The following SLC9A6 variants were observed in gnomAD, a reference collection of about 807,000 sequenced individuals.
The protein encoded by SLC9A6 is solute carrier family 9 member A6.
SLC9A6 carries 6 observed loss-of-function variants against 45.3 expected under a neutral mutation model. The ratio of observed to expected loss-of-function variants is 0.13; its 90% confidence interval spans 0.07 to 0.26. The LOEUF (loss-of-function observed/expected upper bound fraction) is 0.26. SLC9A6 is among the 10% of genes least tolerant of loss of function. The pLI, the probability that SLC9A6 is intolerant of heterozygous loss-of-function variation, is 1.00. For synonymous variants in SLC9A6, 191 were observed against 187.7 expected, an observed-to-expected ratio of 1.02 and a Z score of -0.14; for missense variants, 278 against 503.7, an observed-to-expected ratio of 0.55 and a Z score of 4.29.
upstream of SLC9A6, among the ~76,000 whole-genome samples, chrX:135,981,553 G>A (rs1226989762): frequency 9.0e-6 from 1 of 111,657 alleles, no homozygotes; most frequent in Non-Finnish European, 1.9e-5. Flanking sequence ...AAGTTAGTTA[G>A]GTGAGGAAAA....
At chrX:135,996,907 C>T (rs1299881326) in intron 3 of SLC9A6, among the ~76,000 whole-genome samples, 1 of 109,782 alleles carries the variant, frequency 9.1e-6, no homozygotes, top group Non-Finnish European at 1.9e-5. Flanking sequence ...GCTGGGACTA[C>T]AGGCGCCCGC....
intron 2 of SLC9A6, among the ~76,000 whole-genome samples, chrX:135,988,303 A>C (rs967937099): frequency 4.5e-5 from 5 of 111,793 alleles, no homozygotes; most frequent in African/African-American, 1.6e-4. Flanking sequence ...GGCGTTCTTT[A>C]GCCTGTCCTA....
At chrX:136,039,994 A>G (rs1273404562) in intron 16 of SLC9A6, 82 bp from the exon 17 acceptor site, 7 of 759,440 alleles carry the variant, frequency 9.2e-6, no homozygotes, top group Non-Finnish European at 1.4e-5. Flanking sequence ...TGGTTACTAT[A>G]CTATGATGGT....
rs1556616822 is a variant in SLC9A6, at chrX:135,998,117, G to C, written c.379G>C (p.Asp127His). The change falls in exon 4 of 18, where the codon GAT becomes CAT. Residue 127 changes from aspartate to histidine, a missense_variant. Physicochemically the swap from Asp to His is moderately conservative, Grantham distance 81 (BLOSUM62 -1). This residue lies in a region of SLC9A6 where 118 missense variants were observed against 209.9 expected (regional missense o/e 0.56). Coordinates refer to ENST00000630721, the MANE Select transcript of SLC9A6 (RefSeq NM_001379110.1). ...CTCTTTATTTTAACAGGTTACTTTT[G>C]ATCCAGAAGTATTTTTCAACATATT... ...DNEMLRKVTF[D>H]PEVFFNILLP... The C allele has an allele frequency of 9.4e-7, 1 of 1,066,220 alleles. No individual in the cohort carries two copies. 87.9% of individuals were successfully genotyped at this position (1,066,220 alleles called of 1,213,427 possible). A position where few individuals can be genotyped will look rare whatever the true frequency, so the allele number is the denominator to read the frequency against.
chrX:136,036,553 A>C (rs2071415966), intron 16 of SLC9A6, among the ~76,000 whole-genome samples: 1 of 112,215 alleles, frequency 8.9e-6, no homozygotes, highest in Non-Finnish European at 1.9e-5. Context: ...CCACTCTCTC[A>C]CCCAGGCTGG....
At chrX:136,000,802 C>T (rs889552262) in intron 6 of SLC9A6, among the ~76,000 whole-genome samples, 5 of 110,967 alleles carry the variant, frequency 4.5e-5, no homozygotes, top group African/African-American at 1.6e-4. Flanking sequence ...ATTCCAGCTG[C>T]AATGCTTTGT....
intron 7 of SLC9A6, among the ~76,000 whole-genome samples, chrX:136,008,754 A>C (rs1339919421): frequency 2.7e-5 from 3 of 111,818 alleles, no homozygotes; most frequent in African/African-American, 9.8e-5. Context: ...TCAGGGTTTA[A>C]AAAAAAGTAT....
At chrX:136,040,589 G>A (rs782245140) in intron 17 of SLC9A6, among the ~76,000 whole-genome samples, 1 of 111,704 alleles carries the variant, frequency 9.0e-6, no homozygotes, top group African/African-American at 3.3e-5. Context: ...GCAACAGATG[G>A]TCTATTATTT....
chrX:136,032,927 G>C (rs1163939217), intron 15 of SLC9A6: 1 of 120,751 alleles, frequency 8.3e-6, no homozygotes, highest in African/African-American at 3.2e-5. Context: ...GCAGTGGCAC[G>C]ATCTCGGCTC....
intron 5 of SLC9A6, 26 bp from the exon 6 acceptor site, chrX:135,998,830 A>G: frequency 9.5e-7 from 1 of 1,054,161 alleles, no homozygotes; most frequent in South Asian, 1.9e-5. Flanking sequence ...ATTTTTTTCT[A>G]AAGTAGGACT....
chrX:135,985,468 C>T lies in SLC9A6; in HGVS notation c.-66C>T, dbSNP rs2089315684. ...GGGGAGTGGTCCGACCGCGGGCGGC[C>T]GCCGGTGAGGTAGGGGCGGGAGGCG... On this transcript the variant is annotated 5_prime_UTR_variant, in exon 1 of 18. Coordinates refer to ENST00000630721, the MANE Select transcript of SLC9A6 (RefSeq NM_001379110.1). 2 of 1,015,993 alleles carry T rather than the reference C, an allele frequency of 2.0e-6. No individual in the cohort carries two copies. The highest frequency in any genetic ancestry group is 2.1e-5 in the African/African-American group (1 of 48,780). The allele number at this position is 1,015,993 out of a possible 1,213,427, so 83.7% of individuals were successfully genotyped here.
At chrX:136,043,619 T>G (rs1556622997) in intron 17 of SLC9A6, among the ~76,000 whole-genome samples, 1 of 111,986 alleles carries the variant, frequency 8.9e-6, no homozygotes, top group Non-Finnish European at 1.9e-5. Flanking sequence ...TTAAAGTCAT[T>G]TAGAAAAAAT....
chrX:136,001,336 C>CAAAAA (rs569372174), intron 6 of SLC9A6, among the ~76,000 whole-genome samples: 1 of 23,577 alleles, frequency 4.2e-5, no homozygotes, highest in Non-Finnish European at 8.2e-5. Flanking sequence ...GACTCCATCT[C>CAAAAA]AAAAAAAAAA....
intron 3 of SLC9A6, among the ~76,000 whole-genome samples, chrX:135,996,829 T>C (rs1258571803): frequency 1.2e-3 from 133 of 108,127 alleles, no homozygotes; most frequent in Non-Finnish European, 1.8e-3. Flanking sequence ...TGCAGTGGCG[T>C]GATCTCGGCT....
Position 136,022,609 on chromosome X carries a change from T to C in SLC9A6, c.1218T>C (p.Ala406=). ...AGGTTGCTATTTTCTTGGGAAGAGCTGCCAATATTTACCCCTTGTCCCTCT... is the reference window on the plus strand; with the variant it reads ...AGGTTGCTATTTTCTTGGGAAGAGCCGCCAATATTTACCCCTTGTCCCTCT... ...GAFVAIFLGR[A]ANIYPLSLLL... The change falls in exon 12 of 18, where the codon GCT becomes GCC. Residue 406 remains alanine (A), a synonymous_variant. Coordinates refer to ENST00000630721, the MANE Select transcript of SLC9A6 (RefSeq NM_001379110.1). 8.4e-7 allele frequency: 1 copy of C among 1,190,226 alleles called. No homozygotes were observed. Among genetic ancestry groups the C allele is most frequent in the Non-Finnish European group, 1.1e-6 (1 of 879,507 alleles).
chrX:136,002,383 G>A (rs781838995), intron 7 of SLC9A6, among the ~76,000 whole-genome samples, 170 bp downstream of exon 7: 1 of 111,364 alleles, frequency 9.0e-6, no homozygotes, highest in Non-Finnish European at 1.9e-5. Context: ...AAAATACAGG[G>A]AAGAGAAAAA....
intron 2 of SLC9A6, among the ~76,000 whole-genome samples, chrX:135,993,237 A>G (rs1455510045): frequency 8.9e-6 from 1 of 111,876 alleles, no homozygotes; most frequent in Non-Finnish European, 1.9e-5. Flanking sequence ...AGACAGGTCC[A>G]TAAAGAAAGA....
At chrX:135,977,400 T>C (rs1280674226) in intron 1 of SLC9A6, among the ~76,000 whole-genome samples, 1 of 111,940 alleles carries the variant, frequency 8.9e-6, no homozygotes, top group Non-Finnish European at 1.9e-5. Context: ...TTCAAGCTAA[T>C]TGACTTATTA....
chrX:136,011,464 A>C (rs1556618638), intron 8 of SLC9A6, among the ~76,000 whole-genome samples: 1 of 109,233 alleles, frequency 9.2e-6, no homozygotes, highest in African/African-American at 3.3e-5. Context: ...CTGATCTCGA[A>C]CTCCTGACGT....
Sources: gnomAD v4.1 joint callset for allele counts (sites outside exome capture counted in the v4.1 genomes callset) on GRCh38, gnomAD v4.1.1 for gene constraint, gnomAD v4.1.1 regional missense constraint, MANE v1.5 for transcripts, NCBI Gene and HGNC (gene_info 2026-07-23, HGNC 2026-07-21) for gene names.